The following GNG4 variants were observed in gnomAD, a reference collection of about 807,000 sequenced individuals.
GNG4 encodes the protein G protein subunit gamma 4.
A neutral mutation model predicts 5.8 loss-of-function variants in GNG4; 4 were observed. The observed-to-expected ratio is 0.69, with a 90% CI of 0.34 to 1.57. GNG4 has a LOEUF of 1.57. Ranked by LOEUF, GNG4 falls within the 40% of genes most tolerant of loss-of-function variation. The probability of loss-of-function intolerance (pLI) is 0.06; values close to 1 mark genes in which losing one functional copy is unlikely to be tolerated. For missense variants in GNG4, 96 were observed against 95.1 expected (o/e 1.01, Z -0.04); for synonymous variants, 29 against 32.9 (o/e 0.88, Z 0.41).
intron 2 of GNG4, among the ~76,000 whole-genome samples, chr1:235,591,126 A>G (rs1687951520): frequency 1.3e-5 from 2 of 152,186 alleles, no homozygotes; most frequent in Admixed American, 6.5e-5. Context: ...CTTATTTTTC[A>G]GATAAGGAAA....
intron 1 of GNG4, among the ~76,000 whole-genome samples, chr1:235,636,533 C>T (rs1256806767): frequency 1.3e-5 from 2 of 152,148 alleles, no homozygotes; most frequent in Non-Finnish European, 2.9e-5. Context: ...CGCAGAGGCA[C>T]GGTGCCCACG....
At chr1:235,567,921 C>T (rs980409821) in intron 3 of GNG4, among the ~76,000 whole-genome samples, 1 of 152,068 alleles carries the variant, frequency 6.6e-6, no homozygotes, top group Non-Finnish European at 1.5e-5. Flanking sequence ...AGGAAGGGGT[C>T]CCAGGTTGGG....
At position 235,551,842 on chromosome 1, in the gene GNG4, C is replaced by T. The variant is rs1028598474; in HGVS notation, c.*267G>A. 5.3e-5 allele frequency: 14 copies of T among 264,718 alleles called. No individual in the cohort carries two copies. Among genetic ancestry groups the T allele is most frequent in the South Asian group, 1.1e-4 (2 of 17,834 alleles). 16.4% of individuals were successfully genotyped at this position (264,718 alleles called of 1,614,324 possible). ...GTTTAAAAATTTTAAACTCTTAAGT[C>T]CAGACTTACTTTTACATGGCACATT... is the stretch of plus-strand genomic sequence containing the variant. On this transcript the variant is annotated 3_prime_UTR_variant, in exon 4 of 4. Coordinates refer to ENST00000391854, the MANE Select transcript of GNG4 (RefSeq NM_001098722.2).
chr1:235,567,922 C>T (rs1687239656), intron 3 of GNG4, among the ~76,000 whole-genome samples: 1 of 151,986 alleles, frequency 6.6e-6, no homozygotes, highest in Non-Finnish European at 1.5e-5. Flanking sequence ...GGAAGGGGTC[C>T]CAGGTTGGGG....
intron 3 of GNG4, among the ~76,000 whole-genome samples, chr1:235,552,793 G>A (rs1054705063): frequency 3.3e-5 from 5 of 151,738 alleles, no homozygotes; most frequent in Non-Finnish European, 5.9e-5. Context: ...GCAGAGTCTC[G>A]CTCTGTTGCC....
At chr1:235,580,746 G>GTTTTTTTT (rs56370700) in intron 3 of GNG4, among the ~76,000 whole-genome samples, 3 of 125,756 alleles carry the variant, frequency 2.4e-5, no homozygotes, top group Non-Finnish European at 1.6e-5. Flanking sequence ...CCCGTTTTTT[G>GTTTTTTTT]TTTTTTTTTT....
chr1:235,564,170 A>C (rs1345493339), intron 3 of GNG4, among the ~76,000 whole-genome samples: 1 of 152,194 alleles, frequency 6.6e-6, no homozygotes, highest in Non-Finnish European at 1.5e-5. Flanking sequence ...GCAGGAACAG[A>C]AAACCAAATG....
intron 1 of GNG4, among the ~76,000 whole-genome samples, chr1:235,599,618 A>T (rs1688209830): frequency 6.6e-6 from 1 of 152,122 alleles, no homozygotes; most frequent in Non-Finnish European, 1.5e-5. Context: ...ACCCAGCCGA[A>T]TCTGCGTTTT....
chr1:235,593,907 T>C (rs910883336), intron 2 of GNG4, among the ~76,000 whole-genome samples: 2 of 152,158 alleles, frequency 1.3e-5, no homozygotes, highest in South Asian at 2.1e-4. Flanking sequence ...GAACAAAGCC[T>C]GCACAGCGTG....
chr1:235,574,787 T>C (rs754301666), intron 3 of GNG4, among the ~76,000 whole-genome samples: 1 of 152,154 alleles, frequency 6.6e-6, no homozygotes, highest in Non-Finnish European at 1.5e-5. Flanking sequence ...TGAAGGAAGA[T>C]TGTTAATAAC....
intron 3 of GNG4, among the ~76,000 whole-genome samples, chr1:235,557,143 C>T (rs979081264): frequency 6.0e-5 from 9 of 150,830 alleles, no homozygotes; most frequent in African/African-American, 1.7e-4. Flanking sequence ...GTTGGGGACC[C>T]GTTTTATACT....
chr1:235,574,822 C>T (rs1277008449), intron 3 of GNG4, among the ~76,000 whole-genome samples: 1 of 151,828 alleles, frequency 6.6e-6, no homozygotes, highest in Non-Finnish European at 1.5e-5. Context: ...ACGACACAAT[C>T]CTTTCTTTCT....
intron 3 of GNG4, among the ~76,000 whole-genome samples, chr1:235,581,000 C>A (rs1687620238): frequency 6.6e-6 from 1 of 152,094 alleles, no homozygotes; most frequent in African/African-American, 2.4e-5. Flanking sequence ...GATTCACCTG[C>A]CTCGGCCTTC....
At chr1:235,592,321 C>T (rs1334924939) in intron 2 of GNG4, among the ~76,000 whole-genome samples, 9 of 152,152 alleles carry the variant, frequency 5.9e-5, no homozygotes, top group Non-Finnish European at 1.2e-4. Context: ...GCCTGGCCAA[C>T]ATGGTGAAAC....
intron 1 of GNG4, among the ~76,000 whole-genome samples, chr1:235,647,549 C>T (rs745528898): frequency 6.6e-5 from 10 of 152,110 alleles, no homozygotes; most frequent in Non-Finnish European, 1.3e-4. Flanking sequence ...TGGGTTTGGG[C>T]GTGTAGGTCT....
chr1:235,622,003 T>A (rs1203099544), intron 1 of GNG4, among the ~76,000 whole-genome samples: 6 of 151,920 alleles, frequency 3.9e-5, no homozygotes, highest in African/African-American at 1.4e-4. Context: ...AAAAAATAAC[T>A]CAGCTCTTAT....
chr1:235,557,659 G>A (rs1361378043), intron 3 of GNG4, among the ~76,000 whole-genome samples: 1 of 152,092 alleles, frequency 6.6e-6, no homozygotes, highest in Non-Finnish European at 1.5e-5. Flanking sequence ...GGGCCAGTTC[G>A]ACTCTTTTAA....
chr1:235,635,680 T>C (rs1005484553), intron 1 of GNG4, among the ~76,000 whole-genome samples: 1 of 152,188 alleles, frequency 6.6e-6, no homozygotes, highest in Non-Finnish European at 1.5e-5. Context: ...CTCAAGTATT[T>C]CTTTATAGCA....
At chr1:235,579,862 A>AAAAAAT (rs57019025) in intron 3 of GNG4, among the ~76,000 whole-genome samples, 1 of 108,580 alleles carries the variant, frequency 9.2e-6, no homozygotes, top group Non-Finnish European at 1.8e-5. Flanking sequence ...CAAAAAAAAA[A>AAAAAAT]AGGTAAAAAG....
Sources: allele counts gnomAD v4.1 joint callset (sites outside exome capture counted in the v4.1 genomes callset), GRCh38; gene constraint gnomAD v4.1.1; transcripts MANE v1.5; gene names NCBI Gene and HGNC (gene_info 2026-07-23, HGNC 2026-07-21).